Variants in MGAT4C observed in about 807,000 individuals in gnomAD.
MGAT4C encodes the protein alpha-1,3-mannosyl-glycoprotein 4-beta-N-acetylglucosaminyltransferase C.
MGAT4C carries 19 observed loss-of-function variants against 40.1 expected under a neutral mutation model. The observed-to-expected ratio is 0.47, with a 90% CI of 0.33 to 0.70. The LOEUF (loss-of-function observed/expected upper bound fraction) is 0.70. MGAT4C is among the 30% of genes least tolerant of loss of function. The pLI is 0.02. For synonymous variants in MGAT4C, 181 were observed against 187.1 expected, an observed-to-expected ratio of 0.97 and a Z score of 0.27; for missense variants, 491 against 563.2, an observed-to-expected ratio of 0.87 and a Z score of 1.30.
At position 86,603,750 on chromosome 12, in the gene MGAT4C, A is replaced by ATATATAATATATAGTATAATTATATATAC. The variant is rs1350424147; in HGVS notation, c.-229+123430_-229+123458dup. ...TATATAATTATATATACTATATATT[A>ATATATAATATATAGTATAATTATATATAC]TATATAATATATAGTATAATTATAT... is the stretch of plus-strand genomic sequence containing the variant. On this transcript the variant is annotated intron_variant, in intron 2 of 7. Transcript: ENST00000548651. Among the ~76,000 whole-genome samples, 810 of 129,418 alleles carry ATATATAATATATAGTATAATTATATATAC rather than the reference A, an allele frequency of 6.3e-3. 7 individuals carry two copies. The highest frequency in any genetic ancestry group is 0.012 in the East Asian group (55 of 4,566). 84.9% of individuals were successfully genotyped at this position (129,418 alleles called of 152,430 possible).
intron 3 of MGAT4C, among the ~76,000 whole-genome samples, chr12:86,360,668 C>T (rs1212182406): frequency 6.6e-6 from 1 of 152,170 alleles, no homozygotes; most frequent in East Asian, 1.9e-4. Context: ...GTGCAAAAAT[C>T]ACAAACATTC....
chr12:86,259,910 C>T (rs2136094391), upstream of MGAT4C, among the ~76,000 whole-genome samples: 14 of 5,190 alleles, frequency 2.7e-3, no homozygotes, highest in African/African-American at 5.6e-3. Context: ...TTGTTTTTTC[C>T]TTTTTTTGAA....
intron 4 of MGAT4C, among the ~76,000 whole-genome samples, chr12:86,269,296 T>TTTA (rs1952883363): frequency 1.3e-5 from 2 of 151,238 alleles, no homozygotes. Flanking sequence ...CATATTTGTC[T>TTTA]TTATTATAAT....
intron 2 of MGAT4C, among the ~76,000 whole-genome samples, chr12:86,691,826 G>A (rs766957269): frequency 6.6e-6 from 1 of 151,826 alleles, no homozygotes; most frequent in Non-Finnish European, 1.5e-5. Flanking sequence ...ATATTTATAG[G>A]AAATCTAGAT....
chr12:86,833,241 AAATT>A (rs1213096175), intron 1 of MGAT4C, among the ~76,000 whole-genome samples: 3 of 151,828 alleles, frequency 2.0e-5, no homozygotes, highest in African/African-American at 7.2e-5. Flanking sequence ...TTCCTTGGCC[AAATT>A]TGGCCTAAGA....
intron 1 of MGAT4C, among the ~76,000 whole-genome samples, chr12:86,753,263 G>T (rs1951252076): frequency 6.6e-6 from 1 of 152,118 alleles, no homozygotes; most frequent in Non-Finnish European, 1.5e-5. Flanking sequence ...TGCCCAGGGT[G>T]GAAAACCGCT....
chr12:86,144,326 T>G (rs530212577), intron 1 of MGAT4C, among the ~76,000 whole-genome samples: 1 of 152,216 alleles, frequency 6.6e-6, no homozygotes, highest in Non-Finnish European at 1.5e-5. Context: ...GAAAGCTATA[T>G]GCAGTGAAAA....
Position 86,734,693 on chromosome 12 carries a change from G to T in MGAT4C, c.-261-7452C>A, listed in dbSNP as rs982629763. 3.3e-5 allele frequency among the ~76,000 whole-genome samples: 5 copies of T among 151,960 alleles called. No homozygotes were observed. The East Asian group carries it at 7.8e-4, about 24-fold the overall frequency. On this transcript the variant is annotated intron_variant, in intron 1 of 7. Coordinates refer to the MGAT4C transcript ENST00000548651. ...ACAAATCAGGAGGAGTGCCCTCACC[G>T]CAAACCAGATCTGTCAGAGCCTTGA...
chr12:86,328,194 T>G (rs994005280), intron 4 of MGAT4C, among the ~76,000 whole-genome samples: 1 of 152,160 alleles, frequency 6.6e-6, no homozygotes, highest in Admixed American at 6.5e-5. Flanking sequence ...ATACCATTAA[T>G]TAATGGTATA....
intron 1 of MGAT4C, among the ~76,000 whole-genome samples, chr12:86,767,101 A>T (rs1951524368): frequency 6.6e-6 from 1 of 152,200 alleles, no homozygotes; most frequent in Admixed American, 6.5e-5. Flanking sequence ...GAAAAGATCA[A>T]CAAAATTGAT....
At chr12:86,685,465 A>G (rs1593113571) in intron 2 of MGAT4C, among the ~76,000 whole-genome samples, 1 of 151,420 alleles carries the variant, frequency 6.6e-6, no homozygotes, top group Non-Finnish European at 1.5e-5. Context: ...GAAGTCAGAC[A>G]GTGCCTCCAA....
chr12:86,087,824 A>C (rs1872156449), intron 1 of MGAT4C, among the ~76,000 whole-genome samples: 1 of 152,046 alleles, frequency 6.6e-6, no homozygotes, highest in Admixed American at 6.6e-5. Context: ...TTACAGATTT[A>C]TTGCTATTCC....
chr12:86,386,284 CA>C (rs1467288383), intron 3 of MGAT4C, among the ~76,000 whole-genome samples: 1 of 152,150 alleles, frequency 6.6e-6, no homozygotes, highest in East Asian at 1.9e-4. Flanking sequence ...GCAGATGATA[CA>C]GTGCCAAACA....
intron 1 of MGAT4C, among the ~76,000 whole-genome samples, chr12:86,173,130 A>G: frequency 6.6e-6 from 1 of 152,108 alleles, no homozygotes; most frequent in Non-Finnish European, 1.5e-5. Flanking sequence ...GTGCTAAATC[A>G]CTTGGCAAGA....
intron 1 of MGAT4C, among the ~76,000 whole-genome samples, chr12:86,080,618 C>T (rs1232490515): frequency 2.6e-5 from 4 of 152,158 alleles, no homozygotes; most frequent in African/African-American, 7.2e-5. Flanking sequence ...CACCCACACA[C>T]ACCGGTACCA....
chr12:86,030,379 A>G (rs1890631800), intron 2 of MGAT4C, among the ~76,000 whole-genome samples: 1 of 151,766 alleles, frequency 6.6e-6, no homozygotes, highest in Non-Finnish European at 1.5e-5. Context: ...CCTAAATATG[A>G]GATGATGCCT....
intron 1 of MGAT4C, among the ~76,000 whole-genome samples, chr12:86,096,254 T>G (rs954699951): frequency 6.6e-6 from 1 of 151,814 alleles, no homozygotes; most frequent in East Asian, 1.9e-4. Flanking sequence ...CTGGCCATTA[T>G]AGGTCACATA....
At chr12:86,382,612 C>G (rs1955959448) in intron 3 of MGAT4C, among the ~76,000 whole-genome samples, 1 of 152,212 alleles carries the variant, frequency 6.6e-6, no homozygotes, top group African/African-American at 2.4e-5. Flanking sequence ...GGCAGCCCCT[C>G]CCTTCACAGG....
At chr12:86,510,379 CA>C (rs528868302) in intron 2 of MGAT4C, among the ~76,000 whole-genome samples, 1 of 152,004 alleles carries the variant, frequency 6.6e-6, no homozygotes. Flanking sequence ...CTAGCCACTG[CA>C]AAAAAATGCC....
Sources: gnomAD v4.1 joint callset for allele counts (sites outside exome capture counted in the v4.1 genomes callset) on GRCh38, gnomAD v4.1.1 for gene constraint, MANE v1.5 for transcripts, NCBI Gene and HGNC (gene_info 2026-07-23, HGNC 2026-07-21) for gene names.